Variants in COMP observed in about 807,000 individuals in gnomAD.
The protein encoded by COMP is cartilage oligomeric matrix protein.
In COMP, 79 loss-of-function variants were observed where a neutral mutation model predicts 95.8. The observed-to-expected ratio is 0.82, with a 90% CI of 0.69 to 0.99. The LOEUF (loss-of-function observed/expected upper bound fraction) is 0.99. Among genes scored for constraint, COMP ranks in the 50% least tolerant of loss-of-function variants. The pLI, the probability that COMP is intolerant of heterozygous loss-of-function variation, is 0.00. For synonymous variants in COMP, 438 were observed against 433.9 expected, an observed-to-expected ratio of 1.01 and a Z score of -0.12; for missense variants, 906 against 1,076.1, an observed-to-expected ratio of 0.84 and a Z score of 2.21.
Position 18,790,889 on chromosome 19 carries a change from G to A in COMP, c.126C>T (p.Asn42=), listed in dbSNP as rs761363648. The A allele has an allele frequency of 1.3e-6, 2 of 1,570,622 alleles. No homozygotes were observed. The highest frequency in any genetic ancestry group is 8.6e-7 in the Non-Finnish European group (1 of 1,159,228). ...PQMLRELQET[N]AALQDVRELL... ...GCTCCCGCACGTCCTGCAGCGCCGC[G>A]TTGGTTTCCTGCAGTTCCCGAAGCA... The change falls in exon 2 of 19, where the codon AAC becomes AAT. Residue 42 remains asparagine (N), a synonymous_variant. Coordinates refer to ENST00000222271, the MANE Select transcript of COMP (RefSeq NM_000095.3).
chr19:18,786,896 C>G, intron 10 of COMP: 1 of 432,448 alleles, frequency 2.3e-6, no homozygotes, highest in Non-Finnish European at 4.2e-6. Flanking sequence ...CCTCAGCCTC[C>G]CGAGTAGCTG....
intron 10 of COMP, 35 bp downstream of exon 10, chr19:18,787,450 CCCGCCG>C (rs768004340): frequency 3.6e-5 from 58 of 1,604,376 alleles, no homozygotes; most frequent in Non-Finnish European, 4.7e-5. Context: ...CCCTTCGGTG[CCCGCCG>C]CCTCTCCTCG....
In COMP at chr19:18,789,425, C is replaced by A. The variant is rs2055194162; in HGVS notation, c.391-128G>T. The A allele has an allele frequency of 1.0e-5, 11 of 1,073,498 alleles. No individual in the cohort carries two copies. The highest frequency in any genetic ancestry group is 2.8e-5 in the East Asian group (1 of 36,260). The allele number at this position is 1,073,498 out of a possible 1,614,324, so 66.5% of individuals were successfully genotyped here. ...AGTGCTTGGAGCTCTGAGATGGAAGCAATTGTCGCAGGGGTCAGGCACGAC... is the reference window on the plus strand; with the variant it reads ...AGTGCTTGGAGCTCTGAGATGGAAGAAATTGTCGCAGGGGTCAGGCACGAC... On this transcript the variant is annotated intron_variant, in intron 4 of 18. Coordinates refer to ENST00000222271, the MANE Select transcript of COMP (RefSeq NM_000095.3). The surrounding 1 kb of genome is among the most constrained non-coding windows in gnomAD (Gnocchi z 6.1).
chr19:18,785,461 G>C, intron 15 of COMP, 37 bp downstream of exon 15: 3 of 1,591,528 alleles, frequency 1.9e-6, no homozygotes, highest in Non-Finnish European at 2.6e-6. Flanking sequence ...CCCTGAGCCC[G>C]CTCCGTGGCA....
At chr19:18,786,761 AGCTTTTT>A in intron 10 of COMP, 111 bp from the exon 11 acceptor site, 1 of 365,954 alleles carries the variant, frequency 2.7e-6, no homozygotes, top group Non-Finnish European at 4.8e-6. Context: ...ACTTCATGGA[AGCTTTTT>A]TTTTTTTTTT....
Position 18,789,563 on chromosome 19 carries a change from C to T in COMP, c.391-266G>A, listed in dbSNP as rs146156430. Among the ~76,000 whole-genome samples the T allele has an allele frequency of 2.0e-3, 298 of 151,278 alleles. 2 individuals are homozygous for T. The highest frequency in any genetic ancestry group is 7.0e-3 in the African/African-American group (287 of 41,126). On this transcript the variant is annotated intron_variant, in intron 4 of 18. Coordinates refer to ENST00000222271, the MANE Select transcript of COMP (RefSeq NM_000095.3). The surrounding 1 kb of genome is among the most constrained non-coding windows in gnomAD (Gnocchi z 6.1). ...ATCCCCAGCAGAGGGGGGCAGGGGTCGTCGGGGCGTGCGTGCCCGGCGGTG... is the reference window on the plus strand; with the variant it reads ...ATCCCCAGCAGAGGGGGGCAGGGGTTGTCGGGGCGTGCGTGCCCGGCGGTG...
chr19:18,785,857 A>C lies in COMP; in HGVS notation c.1490-6T>G. On this transcript the variant is annotated splice_region_variant and splice_polypyrimidine_tract_variant and intron_variant, in intron 13 of 18. Transcript: ENST00000222271. ...CACGTCGCCCACGCCGTCCCCTGAG[A>C]GGTGGGAGACCCCTCGGTGGGCTAA... The C allele has an allele frequency of 1.3e-5, 21 of 1,610,434 alleles. No homozygotes were observed. Among genetic ancestry groups the C allele is most frequent in the Non-Finnish European group, 1.8e-5 (21 of 1,179,918 alleles).
chr19:18,788,438 A>G lies in COMP; in HGVS notation c.839T>C (p.Leu280Pro). The G allele has an allele frequency of 2.2e-6, 3 of 1,353,818 alleles. No individual in the cohort carries two copies. Among genetic ancestry groups the G allele is most frequent in the Non-Finnish European group, 2.9e-6 (3 of 1,020,352 alleles). The allele number at this position is 1,353,818 out of a possible 1,614,324, so 83.9% of individuals were successfully genotyped here. Residue 280 changes from leucine (L) to proline (P), a missense_variant, in exon 8 of 19, where the codon CTG becomes CCG. Physicochemically the swap from Leu to Pro is moderately conservative, Grantham distance 98. Coordinates refer to ENST00000222271, the MANE Select transcript of COMP (RefSeq NM_000095.3). The surrounding 1 kb of genome is among the most constrained non-coding windows in gnomAD (Gnocchi z 4.7). ...ACGGCACTGGCGCTCCGGGCAGCGCAGCTTCTCGTCCGGGAAGCCGTCTAG... is the reference window on the plus strand; with the variant it reads ...ACGGCACTGGCGCTCCGGGCAGCGCGGCTTCTCGTCCGGGAAGCCGTCTAG... ...TDLDGFPDEK[L>P]RCPERQCRKD...
In COMP at chr19:18,790,059, G is replaced by GCTC; in HGVS notation, c.272_273insGAG (p.Cys91delinsTrpSer). On this transcript the variant is annotated protein_altering_variant, in exon 4 of 19. Transcript: ENST00000222271. ...CGCCGGGGAAGCAGAAGCCGGGCGCGCAGTGGAGCAGGGGCCGCACGCTGG... is the reference window on the plus strand; with the variant it reads ...CGCCGGGGAAGCAGAAGCCGGGCGCGCTCCAGTGGAGCAGGGGCCGCACGCTGG... 2 of 1,554,040 alleles carry GCTC rather than the reference G, an allele frequency of 1.3e-6. No individual in the cohort carries two copies. Among genetic ancestry groups the GCTC allele is most frequent in the Non-Finnish European group, 1.7e-6 (2 of 1,154,892 alleles).
In COMP at chr19:18,790,083, G is replaced by T. The variant is rs1185391037; in HGVS notation, c.249C>A (p.Pro83=). ...CGCAGTGGAGCAGGGGCCGCACGCTGGGTAGGCCGGTGCGTACTGACTGCT... is the reference window on the plus strand; with the variant it reads ...CGCAGTGGAGCAGGGGCCGCACGCTTGGTAGGCCGGTGCGTACTGACTGCT... ...GMQQSVRTGL[P]SVRPLLHCAP... is the part of the protein sequence containing the mutation. Residue 83 remains proline, a synonymous_variant, in exon 4 of 19, where the codon CCC becomes CCA. Coordinates refer to ENST00000222271, the MANE Select transcript of COMP (RefSeq NM_000095.3). 3 of 1,542,844 alleles carry T rather than the reference G, an allele frequency of 1.9e-6. No homozygotes were observed. Among genetic ancestry groups the T allele is most frequent in the African/African-American group, 2.7e-5 (2 of 73,184 alleles).
chr19:18,790,221 C>T (rs1568557274), intron 3 of COMP, 107 bp from the exon 4 acceptor site: 5 of 842,228 alleles, frequency 5.9e-6, no homozygotes, highest in South Asian at 1.9e-5. Flanking sequence ...TTCCCCCCCA[C>T]CCCCCGCCCC....
intron 17 of COMP, among the ~76,000 whole-genome samples, 154 bp from the exon 18 acceptor site, chr19:18,783,347 G>A (rs1010663686): frequency 6.6e-6 from 1 of 152,204 alleles, no homozygotes; most frequent in Admixed American, 6.5e-5. Flanking sequence ...CTGGTGTGGT[G>A]GACATCAAGG....
chr19:18,788,896 G>T lies in COMP; in HGVS notation c.546C>A (p.Asn182Lys). 7.4e-6 allele frequency: 12 copies of T among 1,613,722 alleles called. No homozygotes were observed. The highest frequency in any genetic ancestry group is 1.0e-5 in the Non-Finnish European group (12 of 1,179,940). Residue 182 changes from asparagine (N) to lysine (K), a missense_variant, in exon 6 of 19, where the codon AAC becomes AAA. Transcript: ENST00000222271. This position sits in a 1 kb window ranked among gnomAD's most constrained non-coding sequence, Gnocchi z 4.7. ...AGTTATGTTGCCCGGTCTCACACTC[G>T]TTGATGTCCGTGCAAACCTAGGGGA... Reference protein sequence around the residue: ...KANKQVCTDINECETGQHNCV... With the variant: ...KANKQVCTDIKECETGQHNCV...
Position 18,789,244 on chromosome 19 carries a change from C to T in COMP, c.444G>A (p.Gly148=). ...PRVRCINTSP[G]FRCEACPPGY... is the part of the protein sequence containing the mutation. ...CCGGCGGGCAAGCCTCGCAGCGGAA[C>T]CCCGGGCTGGTGTTGATACAGCGGA... The change falls in exon 5 of 19, where the codon GGG becomes GGA. Residue 148 remains glycine, a synonymous_variant. Transcript: ENST00000222271. This position sits in a 1 kb window ranked among gnomAD's most constrained non-coding sequence, Gnocchi z 6.1. 2 of 1,526,958 alleles carry T rather than the reference C, an allele frequency of 1.3e-6. No individual in the cohort carries two copies. The highest frequency in any genetic ancestry group is 2.7e-5 in the South Asian group (2 of 74,846). The allele number at this position is 1,526,958 out of a possible 1,614,324, so 94.6% of individuals were successfully genotyped here. A position where few individuals can be genotyped will look rare whatever the true frequency, so the allele number is the denominator to read the frequency against.
At position 18,788,706 on chromosome 19, in the gene COMP, G is replaced by C; in HGVS notation, c.648C>G (p.Asp216Glu). The C allele has an allele frequency of 6.5e-7, 1 of 1,541,434 alleles. No individual in the cohort carries two copies. The highest frequency in any genetic ancestry group is 8.7e-7 in the Non-Finnish European group (1 of 1,144,800). The change falls in exon 7 of 19, where the codon GAC becomes GAG. Residue 216 changes from aspartate (D) to glutamate (E), a missense_variant. Transcript: ENST00000222271. The surrounding 1 kb of genome is among the most constrained non-coding windows in gnomAD (Gnocchi z 4.7). Reference protein sequence around the residue: ...CGPCQPGFVGDQASGCQRRAQ... With the variant: ...CGPCQPGFVGEQASGCQRRAQ... ...CGCGCCGCTGGCAGCCGGACGCCTG[G>C]TCGCCCACGAAGCCGGGCTGGCACG...
Position 18,787,739 on chromosome 19 carries a change from C to G in COMP, c.976-89G>C, listed in dbSNP as rs894992233. Reference sequence around the variant, plus strand: ...TTCCCAAATCTCCGAGGACGCGTCTCCTCCTCAAGGAACCTTTCGCCCCTC... The same window carrying G: ...TTCCCAAATCTCCGAGGACGCGTCTGCTCCTCAAGGAACCTTTCGCCCCTC... On this transcript the variant is annotated intron_variant, in intron 9 of 18. Coordinates refer to ENST00000222271, the MANE Select transcript of COMP (RefSeq NM_000095.3). 15 of 1,572,038 alleles carry G rather than the reference C, an allele frequency of 9.5e-6. No homozygotes were observed. The African/African-American group carries it at 1.5e-4, about 15-fold the overall frequency.
Position 18,789,891 on chromosome 19 carries a change from G to T in COMP, c.390+51C>A. 1 of 1,584,894 alleles carries T rather than the reference G, an allele frequency of 6.3e-7. No homozygotes were observed. The highest frequency in any genetic ancestry group is 8.5e-7 in the Non-Finnish European group (1 of 1,172,190). ...GGGTCTCCCGGGCGGCGAGAGATTG[G>T]GGGGCGGTAGAGGGAGTCGTCAGGG... On this transcript the variant is annotated intron_variant, in intron 4 of 18. Coordinates refer to ENST00000222271, the MANE Select transcript of COMP (RefSeq NM_000095.3). This position sits in a 1 kb window ranked among gnomAD's most constrained non-coding sequence, Gnocchi z 6.1.
chr19:18,785,588 C>G (rs1345125871), intron 14 of COMP, 42 bp from the exon 15 acceptor site: 1 of 1,613,818 alleles, frequency 6.2e-7, no homozygotes, highest in Non-Finnish European at 8.5e-7. Context: ...CTGGCCGTGA[C>G]AGCCCTAGGC....
At position 18,788,842 on chromosome 19, in the gene COMP, G is replaced by A. The variant is rs906310050; in HGVS notation, c.600C>T (p.Thr200=). The A allele has an allele frequency of 1.2e-6, 2 of 1,613,876 alleles. No homozygotes were observed. Among genetic ancestry groups the A allele is most frequent in the Non-Finnish European group, 1.7e-6 (2 of 1,179,962 alleles). Reference sequence around the variant, plus strand: ...CTTCCTCCCCAGCGGGCCTTACCCGGGTGTTGATGCACACGGAGTTGGGGA... The same window carrying A: ...CTTCCTCCCCAGCGGGCCTTACCCGAGTGTTGATGCACACGGAGTTGGGGA... ...NCVPNSVCIN[T]RGSFQCGPCQ... The change falls in exon 6 of 19, where the codon ACC becomes ACT. Residue 200 remains threonine (T), a synonymous_variant. Transcript: ENST00000222271. The surrounding 1 kb of genome is among the most constrained non-coding windows in gnomAD (Gnocchi z 4.7).
Sources: allele counts gnomAD v4.1 joint callset (sites outside exome capture counted in the v4.1 genomes callset), GRCh38; gene constraint gnomAD v4.1.1; non-coding constraint Gnocchi (gnomAD v3.1); transcripts MANE v1.5; gene names NCBI Gene and HGNC (gene_info 2026-07-23, HGNC 2026-07-21).